Variants in TEX22 observed in about 807,000 individuals in gnomAD.
The protein encoded by TEX22 is testis-expressed protein 22.
In TEX22, 16 loss-of-function variants were observed where a neutral mutation model predicts 11.3. The observed-to-expected ratio is 1.42, with a 90% CI of 0.96 to 2.15. TEX22 has a LOEUF of 2.15. TEX22 is among the 30% of genes most tolerant of loss of function. The pLI, the probability that TEX22 is intolerant of heterozygous loss-of-function variation, is 0.00. For synonymous variants in TEX22, 97 were observed against 92.3 expected (o/e 1.05, Z -0.29); for missense variants, 220 against 208.6 (o/e 1.05, Z -0.34).
At position 105,411,394 on chromosome 14, in the gene TEX22, C is replaced by G; in HGVS notation, c.177C>G (p.Arg59=). 7.6e-7 allele frequency: 1 copy of G among 1,321,628 alleles called. No homozygotes were observed. Among genetic ancestry groups the G allele is most frequent in the Non-Finnish European group, 9.7e-7 (1 of 1,036,058 alleles). The allele number at this position is 1,321,628 out of a possible 1,614,324, so 81.9% of individuals were successfully genotyped here. Residue 59 remains arginine (R), a synonymous_variant, in exon 3 of 4, where the codon CGC becomes CGG. Coordinates refer to ENST00000451127, the MANE Select transcript of TEX22 (RefSeq NM_001195082.2). Reference sequence around the variant, plus strand: ...TGTGCGAGCCGCCGGAACGCAGGCGCCCGGGCCGCCGCTGGAGCGTCAGCA... The same window carrying G: ...TGTGCGAGCCGCCGGAACGCAGGCGGCCGGGCCGCCGCTGGAGCGTCAGCA... ...DWVCEPPERR[R]PGRRWSVSID... is the part of the protein sequence containing the mutation.
At chr14:105,404,802 T>A (rs2081650473) in intron 2 of TEX22, among the ~76,000 whole-genome samples, 1 of 152,080 alleles carries the variant, frequency 6.6e-6, no homozygotes, top group Admixed American at 6.5e-5. Context: ...GAAGAAATGA[T>A]CTCAAAGCAT....
At chr14:105,411,627 C>T (rs1555419403) in intron 3 of TEX22, 33 bp from the exon 4 acceptor site, 5 of 1,512,674 alleles carry the variant, frequency 3.3e-6, no homozygotes, top group African/African-American at 2.8e-5. Context: ...CCCTTCCCGC[C>T]CCTCGAGGCT....
chr14:105,401,793 A>T (rs1338501210), intron 2 of TEX22, among the ~76,000 whole-genome samples: 5 of 152,148 alleles, frequency 3.3e-5, no homozygotes, highest in African/African-American at 1.2e-4. Context: ...AGAGATGGAC[A>T]TCTCCATAGC....
At chr14:105,402,293 T>G (rs2081631713) in intron 2 of TEX22, among the ~76,000 whole-genome samples, 1 of 152,188 alleles carries the variant, frequency 6.6e-6, no homozygotes, top group African/African-American at 2.4e-5. Flanking sequence ...ATCTAATATG[T>G]TACCTACTTG....
intron 2 of TEX22, among the ~76,000 whole-genome samples, chr14:105,402,196 AAAC>A (rs1430253879): frequency 6.6e-6 from 1 of 152,128 alleles, no homozygotes; most frequent in African/African-American, 2.4e-5. Context: ...AAAAGTAAAT[AAAC>A]AGTATTCTGG....
chr14:105,410,957 T>G (rs1220070532), intron 2 of TEX22, among the ~76,000 whole-genome samples: 2 of 152,204 alleles, frequency 1.3e-5, no homozygotes, highest in East Asian at 3.9e-4. Flanking sequence ...TCTCCCGAAC[T>G]CTCTTTATGA....
intron 2 of TEX22, among the ~76,000 whole-genome samples, chr14:105,402,621 T>C (rs2081636449): frequency 6.6e-6 from 1 of 152,018 alleles, no homozygotes; most frequent in South Asian, 2.1e-4. Flanking sequence ...CCGGGCGTGG[T>C]GGCGGGCGCC....
rs1305836050 is a variant in TEX22 at position 105,413,413 on chromosome 14, G to A, written c.*1580G>A. On this transcript the variant is annotated 3_prime_UTR_variant, in exon 4 of 4. Transcript: ENST00000451127. This position sits in a 1 kb window ranked among gnomAD's most constrained non-coding sequence, Gnocchi z 4.2. ...TAAGCAGTTGCCATGGGGGTGATGA[G>A]CTGGGCAGTCCTCTGTTGCTGAGTG... The A allele has an allele frequency of 6.6e-6, 1 of 152,400 alleles. No homozygotes were observed. The highest frequency in any genetic ancestry group is 1.5e-5 in the Non-Finnish European group (1 of 68,208). 9.4% of individuals were successfully genotyped at this position (152,400 alleles called of 1,614,324 possible).
chr14:105,399,238 G>C (rs994457612), intron 1 of TEX22, 64 bp from the exon 2 acceptor site: 1 of 965,002 alleles, frequency 1.0e-6, no homozygotes, highest in Non-Finnish European at 1.5e-6. Flanking sequence ...AGGGACTCAG[G>C]TATTGGTGGG....
chr14:105,411,632 G>T (rs890809114), intron 3 of TEX22, 28 bp from the exon 4 acceptor site: 2 of 1,483,846 alleles, frequency 1.3e-6, no homozygotes, highest in Admixed American at 2.1e-5. Flanking sequence ...CCCGCCCCTC[G>T]AGGCTCCCTG....
intron 2 of TEX22, among the ~76,000 whole-genome samples, chr14:105,407,050 A>G (rs1268589196): frequency 1.4e-5 from 2 of 146,712 alleles, no homozygotes; most frequent in Non-Finnish European, 3.0e-5. Context: ...CTCAGCCACC[A>G]TGTCTGGCTA....
chr14:105,406,017 G>A (rs2051144856), intron 2 of TEX22, among the ~76,000 whole-genome samples: 1 of 152,210 alleles, frequency 6.6e-6, no homozygotes, highest in African/African-American at 2.4e-5. Flanking sequence ...TGTTGAGCAT[G>A]GCATTTCAGA....
intron 2 of TEX22, among the ~76,000 whole-genome samples, chr14:105,401,421 T>C (rs1555418326): frequency 6.6e-6 from 1 of 152,138 alleles, no homozygotes; most frequent in African/African-American, 2.4e-5. Flanking sequence ...GATGAGTTCA[T>C]GTCCTTTGTA....
chr14:105,403,817 GTACA>G (rs1370215074), intron 2 of TEX22, among the ~76,000 whole-genome samples: 1 of 152,140 alleles, frequency 6.6e-6, no homozygotes, highest in Non-Finnish European at 1.5e-5. Flanking sequence ...CATTTTAAAT[GTACA>G]TAGTGATTCT....
At position 105,411,811 on chromosome 14, in the gene TEX22, C is replaced by T. The variant is rs1178614863; in HGVS notation, c.431C>T (p.Ala144Val). The T allele has an allele frequency of 1.4e-6, 2 of 1,447,998 alleles. No individual in the cohort carries two copies. Among genetic ancestry groups the T allele is most frequent in the Non-Finnish European group, 1.8e-6 (2 of 1,096,770 alleles). 89.7% of individuals were successfully genotyped at this position (1,447,998 alleles called of 1,614,324 possible). ...TTCTGGCATAATGCGACTTTCGAGGCCTCGAGGTCACCCCCTTCCTAAGAG... is the reference window on the plus strand; with the variant it reads ...TTCTGGCATAATGCGACTTTCGAGGTCTCGAGGTCACCCCCTTCCTAAGAG... ...APFWHNATFE[A>V]SRSPPS The change falls in exon 4 of 4, where the codon GCC (alanine) becomes GTC (valine). Residue 144 changes from alanine (A) to valine (V), a missense_variant. Coordinates refer to ENST00000451127, the MANE Select transcript of TEX22 (RefSeq NM_001195082.2).
At chr14:105,408,089 A>AT (rs1332910303) in intron 2 of TEX22, among the ~76,000 whole-genome samples, 2 of 151,924 alleles carry the variant, frequency 1.3e-5, no homozygotes, top group Admixed American at 6.6e-5. Flanking sequence ...CTTAAATCTT[A>AT]TTTTTTTTAA....
rs182337584 is a variant in TEX22 at position 105,405,282 on chromosome 14, C to G, written c.150+5792C>G. 1.8e-3 allele frequency among the ~76,000 whole-genome samples: 270 copies of G among 151,394 alleles called. 2 individuals are homozygous for G. Among genetic ancestry groups the G allele is most frequent in the African/African-American group, 6.3e-3 (259 of 41,210 alleles). ...TCCAGCCTGGGCAACAGAGCCAGAC[C>G]TTGACTCAAAAAAAAAAAAAGATCG... On this transcript the variant is annotated intron_variant, in intron 2 of 3. Coordinates refer to ENST00000451127, the MANE Select transcript of TEX22 (RefSeq NM_001195082.2).
chr14:105,401,641 G>C (rs2081627309), intron 2 of TEX22, among the ~76,000 whole-genome samples: 1 of 151,640 alleles, frequency 6.6e-6, no homozygotes, highest in Non-Finnish European at 1.5e-5. Context: ...TAAATGACGA[G>C]TTAATGGGTG....
chr14:105,400,056 T>G (rs2081618077), intron 2 of TEX22, among the ~76,000 whole-genome samples: 1 of 152,178 alleles, frequency 6.6e-6, no homozygotes, highest in African/African-American at 2.4e-5. Context: ...CCTTAGGACG[T>G]TCTCTGAGGG....
Sources: allele counts gnomAD v4.1 joint callset (sites outside exome capture counted in the v4.1 genomes callset), GRCh38; gene constraint gnomAD v4.1.1; non-coding constraint Gnocchi (gnomAD v3.1); transcripts MANE v1.5; gene names NCBI Gene and HGNC (gene_info 2026-07-23, HGNC 2026-07-21).